The following RANBP3 variants were observed in gnomAD, a reference collection of about 807,000 sequenced individuals.
RANBP3 encodes RAN binding protein 3.
A neutral mutation model predicts 77.3 loss-of-function variants in RANBP3; 14 were observed. The observed-to-expected ratio is 0.18, with a 90% confidence interval of 0.12 to 0.28. The LOEUF is 0.28. Among genes scored for constraint, RANBP3 ranks in the 10% least tolerant of loss-of-function variants. RANBP3 has a pLI of 1.00. For missense variants in RANBP3, 586 were observed against 752.3 expected (o/e 0.78, Z 2.59); for synonymous variants, 315 against 312.4 (o/e 1.01, Z -0.09).
intron 3 of RANBP3, among the ~76,000 whole-genome samples, chr19:5,950,394 C>A (rs2058260768): frequency 6.6e-6 from 1 of 152,240 alleles, no homozygotes; most frequent in South Asian, 2.1e-4. Flanking sequence ...CACACACTGA[C>A]TCCTCCAAAA....
chr19:5,946,529 CAG>C (rs1356544825), intron 3 of RANBP3, among the ~76,000 whole-genome samples: 3 of 152,212 alleles, frequency 2.0e-5, no homozygotes, highest in Non-Finnish European at 4.4e-5. Flanking sequence ...GAAGATTCGA[CAG>C]GGGAACCTCC....
At chr19:5,968,547 CA>C (rs1224978855) in intron 1 of RANBP3, among the ~76,000 whole-genome samples, 2 of 152,362 alleles carry the variant, frequency 1.3e-5, no homozygotes, top group Non-Finnish European at 2.9e-5. Context: ...CACCTTAAAG[CA>C]TAGGCCTTGG....
intron 2 of RANBP3, among the ~76,000 whole-genome samples, chr19:5,953,631 T>A (rs192700801): frequency 3.2e-4 from 48 of 152,308 alleles, no homozygotes; most frequent in Admixed American, 2.7e-3. Context: ...TTACAAAGAA[T>A]GGAACAGCCT....
rs979054161 is a variant in RANBP3, at chr19:5,936,800, C to T, written c.407-3321G>A. On this transcript the variant is annotated intron_variant, in intron 5 of 16. Transcript: ENST00000340578. ...TCACCCACTGATGCCAACAGAAGCTCGCCTGTCTATGTTGACACAATCGAT... is the reference window on the plus strand; with the variant it reads ...TCACCCACTGATGCCAACAGAAGCTTGCCTGTCTATGTTGACACAATCGAT... Among the ~76,000 whole-genome samples, 6 of 152,180 alleles carry T rather than the reference C, an allele frequency of 3.9e-5. No individual in the cohort carries two copies. The South Asian group carries it at 6.2e-4, about 16-fold the overall frequency.
chr19:5,938,107 G>C (rs558091747), intron 5 of RANBP3, among the ~76,000 whole-genome samples: 2 of 152,276 alleles, frequency 1.3e-5, no homozygotes, highest in South Asian at 4.1e-4. Flanking sequence ...TGTTGAAACG[G>C]GGCCATCAAC....
chr19:5,967,351 T>C (rs146887564), intron 1 of RANBP3, among the ~76,000 whole-genome samples: 5 of 152,338 alleles, frequency 3.3e-5, no homozygotes, highest in African/African-American at 1.2e-4. Flanking sequence ...CATCTTGGCA[T>C]TACCTTCAAC....
At chr19:5,971,459 C>T (rs906998390) in intron 1 of RANBP3, among the ~76,000 whole-genome samples, 17 of 151,926 alleles carry the variant, frequency 1.1e-4, no homozygotes, top group African/African-American at 3.9e-4. Flanking sequence ...CCACTGTGCC[C>T]GGCCTGAATT....
At chr19:5,951,062 T>C (rs1234898119) in intron 3 of RANBP3, among the ~76,000 whole-genome samples, 1 of 152,054 alleles carries the variant, frequency 6.6e-6, no homozygotes, top group Non-Finnish European at 1.5e-5. Flanking sequence ...GGAAGGAGGG[T>C]GAAGGGGTCA....
intron 9 of RANBP3, among the ~76,000 whole-genome samples, chr19:5,927,344 G>A (rs1450557798): frequency 6.6e-6 from 1 of 152,184 alleles, no homozygotes; most frequent in Non-Finnish European, 1.5e-5. Flanking sequence ...CCTTTCAGGA[G>A]AGAAGACAGT....
At position 5,924,640 on chromosome 19, in the gene RANBP3, G is replaced by A. The variant is rs2057876637; in HGVS notation, c.996+187C>T. On this transcript the variant is annotated intron_variant, in intron 11 of 16. Transcript: ENST00000340578. The surrounding 1 kb of genome is among the most constrained non-coding windows in gnomAD (Gnocchi z 4.7). ...CGGGAAAAGCGAATGCCAGTTCGTA[G>A]GCAGCCAGTGGCCCTGGCCAGTTTT... Among the ~76,000 whole-genome samples the A allele has an allele frequency of 6.6e-6, 1 of 152,254 alleles. No individual in the cohort carries two copies. The highest frequency in any genetic ancestry group is 2.1e-4 in the South Asian group (1 of 4,832).
At chr19:5,968,875 AAAAC>A (rs1203539984) in intron 1 of RANBP3, among the ~76,000 whole-genome samples, 1 of 152,258 alleles carries the variant, frequency 6.6e-6, no homozygotes, top group Non-Finnish European at 1.5e-5. Context: ...TGGGAAAGAG[AAAAC>A]AAACAAGTAC....
rs543381822 is a variant in RANBP3 at position 5,916,878 on chromosome 19, G to A, written c.*732C>T. 1 of 152,480 alleles carries A rather than the reference G, an allele frequency of 6.6e-6. No homozygotes were observed. The highest frequency in any genetic ancestry group is 2.1e-4 in the South Asian group (1 of 4,842). 9.4% of individuals were successfully genotyped at this position (152,480 alleles called of 1,614,324 possible). A position where few individuals can be genotyped will look rare whatever the true frequency, so the allele number is the denominator to read the frequency against. On this transcript the variant is annotated 3_prime_UTR_variant, in exon 17 of 17. Transcript: ENST00000340578. ...CCCATGACTTGGCCTGGAGGAACCT[G>A]GGGTGGGAAACAAGTAGTCCCCCAA... is the stretch of plus-strand genomic sequence containing the variant.
chr19:5,952,624 G>C lies in RANBP3; in HGVS notation c.79-1028C>G, dbSNP rs991782084. ...GACTACAGGGCTGCCCCGTCTCCCC[G>C]TGGACGTGGCTGTGCTTCTTCTTGG... On this transcript the variant is annotated intron_variant, in intron 2 of 16. Coordinates refer to ENST00000340578, the MANE Select transcript of RANBP3 (RefSeq NM_007322.3). The surrounding 1 kb of genome is among the most constrained non-coding windows in gnomAD (Gnocchi z 4.1). Among the ~76,000 whole-genome samples, 1 of 152,194 alleles carries C rather than the reference G, an allele frequency of 6.6e-6. No individual in the cohort carries two copies. Among genetic ancestry groups the C allele is most frequent in the African/African-American group, 2.4e-5 (1 of 41,442 alleles).
Position 5,952,784 on chromosome 19 carries a change from C to T in RANBP3, c.79-1188G>A, listed in dbSNP as rs1046896110. Among the ~76,000 whole-genome samples the T allele has an allele frequency of 6.6e-6, 1 of 152,208 alleles. No homozygotes were observed. The highest frequency in any genetic ancestry group is 2.4e-5 in the African/African-American group (1 of 41,458). ...TTCCTAGGAAAGCAAAAGCAATCTT[C>T]ACTCAAAAGTAATCAAGGGGACACT... On this transcript the variant is annotated intron_variant, in intron 2 of 16. Coordinates refer to ENST00000340578, the MANE Select transcript of RANBP3 (RefSeq NM_007322.3). The surrounding 1 kb of genome is among the most constrained non-coding windows in gnomAD (Gnocchi z 4.1).
In RANBP3 at chr19:5,921,139, T is replaced by C. The variant is rs2057813571; in HGVS notation, c.1330+62A>G. On this transcript the variant is annotated intron_variant, in intron 14 of 16. Coordinates refer to ENST00000340578, the MANE Select transcript of RANBP3 (RefSeq NM_007322.3). The surrounding 1 kb of genome is among the most constrained non-coding windows in gnomAD (Gnocchi z 5.3). ...CTCCCCCGCTTCATTCCCTTTGGAA[T>C]TGCATAGTCCCCAGCCCTCCCCATG... The C allele has an allele frequency of 1.9e-6, 3 of 1,554,048 alleles. No homozygotes were observed. Among genetic ancestry groups the C allele is most frequent in the Admixed American group, 1.8e-5 (1 of 55,972 alleles).
At chr19:5,950,582 G>C (rs2058263053) in intron 3 of RANBP3, 1 of 152,202 alleles carries the variant, frequency 6.6e-6, no homozygotes, top group Non-Finnish European at 1.5e-5. Flanking sequence ...AAGGCTGCCT[G>C]GTGCTCAGGC....
intron 3 of RANBP3, among the ~76,000 whole-genome samples, chr19:5,943,022 A>C (rs1209909880): frequency 9.2e-5 from 14 of 152,116 alleles, no homozygotes; most frequent in Admixed American, 9.2e-4. Flanking sequence ...TCTCATCTCA[A>C]AACACAAACA....
chr19:5,931,512 G>A lies in RANBP3; in HGVS notation c.585C>T (p.Asn195=), dbSNP rs748136841. 9.3e-6 allele frequency: 15 copies of A among 1,610,798 alleles called. No individual in the cohort carries two copies. The highest frequency in any genetic ancestry group is 4.5e-5 in the East Asian group (2 of 44,820). Residue 195 remains asparagine, a synonymous_variant, in exon 8 of 17, where the codon AAC becomes AAT. Transcript: ENST00000340578. ...LSQTVPSSGT[N]GVSLPADCTG... Reference sequence around the variant, plus strand: ...TGCAGTCTGCTGGGAGGCTGACCCCGTTGGTGCCACTGCTGGGGACTGTGG... The same window carrying A: ...TGCAGTCTGCTGGGAGGCTGACCCCATTGGTGCCACTGCTGGGGACTGTGG...
At position 5,958,283 on chromosome 19, in the gene RANBP3, C is replaced by A. The variant is rs376704264; in HGVS notation, c.23-310G>T. ...GGGAGAGCAGCGGAGAGTGTGGCAG[C>A]GCTATTTGGCGCCATGAACTGTGAC... On this transcript the variant is annotated intron_variant, in intron 1 of 16. Transcript: ENST00000340578. This position sits in a 1 kb window ranked among gnomAD's most constrained non-coding sequence, Gnocchi z 4.4. Among the ~76,000 whole-genome samples the A allele has an allele frequency of 2.6e-5, 4 of 152,142 alleles. No homozygotes were observed. The highest frequency in any genetic ancestry group is 9.7e-5 in the African/African-American group (4 of 41,428).
Sources: gnomAD v4.1 joint callset for allele counts (sites outside exome capture counted in the v4.1 genomes callset) on GRCh38, gnomAD v4.1.1 for gene constraint, Gnocchi (gnomAD v3.1) non-coding constraint, MANE v1.5 for transcripts, NCBI Gene and HGNC (gene_info 2026-07-23, HGNC 2026-07-21) for gene names.